Variants in CMTR1 observed in about 807,000 individuals in gnomAD.
CMTR1 encodes cap-specific mRNA (nucleoside-2'-O-)-methyltransferase 1.
Under a neutral mutation model 107.0 loss-of-function variants are expected in CMTR1, and 39 were observed. The ratio of observed to expected loss-of-function variants is 0.36; its 90% CI spans 0.28 to 0.48. The LOEUF is 0.48. Among genes scored for constraint, CMTR1 ranks in the 20% least tolerant of loss-of-function variants. The probability of loss-of-function intolerance (pLI) is 0.99; values close to 1 mark genes in which losing one functional copy is unlikely to be tolerated. For missense variants in CMTR1, 672 were observed against 1,064.9 expected (o/e 0.63, Z 5.14); for synonymous variants, 366 against 379.5 (o/e 0.96, Z 0.41).
intron 2 of CMTR1, among the ~76,000 whole-genome samples, chr6:37,437,570 C>T (rs554215660): frequency 6.6e-6 from 1 of 151,480 alleles, no homozygotes; most frequent in African/African-American, 2.4e-5. Context: ...TATGTGTGGC[C>T]CAAGACAATT....
intron 19 of CMTR1, 57 bp from the exon 20 acceptor site, chr6:37,476,069 G>T: frequency 6.5e-7 from 1 of 1,545,832 alleles, no homozygotes; most frequent in South Asian, 1.1e-5. Context: ...CCTGGGGGTA[G>T]GGGTGCTGGT....
chr6:37,454,806 C>T lies in CMTR1; in HGVS notation c.777+1494C>T, dbSNP rs569799936. Among the ~76,000 whole-genome samples, 15 of 152,272 alleles carry T rather than the reference C, an allele frequency of 9.9e-5. No individual in the cohort carries two copies. In the South Asian group the frequency reaches 1.9e-3, roughly 19 times the overall value. ...TATAAAAAAAGTGATTTCTCTCGAG[C>T]CCCTGGTGTTTTATTTTCTCTTTTC... On this transcript the variant is annotated intron_variant, in intron 8 of 23. Transcript: ENST00000373451.
At chr6:37,427,840 T>C in the CMTR1 span, among the ~76,000 whole-genome samples, 4 of 152,222 alleles carry the variant, frequency 2.6e-5, no homozygotes, top group Non-Finnish European at 5.9e-5. This position sits in a 1 kb window ranked among gnomAD's most constrained non-coding sequence, Gnocchi z 4.4. Context: ...GAAGGATATT[T>C]CTACTGGATA....
At chr6:37,478,698 T>C (rs1761793008) in intron 22 of CMTR1, among the ~76,000 whole-genome samples, 177 bp downstream of exon 22, 1 of 152,156 alleles carries the variant, frequency 6.6e-6, no homozygotes, top group Admixed American at 6.5e-5. Flanking sequence ...GCCTCTTCTG[T>C]TCTTCCGTGG....
In CMTR1 at chr6:37,462,761, G is replaced by T; in HGVS notation, c.1326-68G>T. 1.4e-5 allele frequency: 21 copies of T among 1,480,938 alleles called. No homozygotes were observed. The South Asian group carries it at 2.2e-4, about 16-fold the overall frequency. The allele number at this position is 1,480,938 out of a possible 1,614,324, so 91.7% of individuals were successfully genotyped here. A position where few individuals can be genotyped will look rare whatever the true frequency, so the allele number is the denominator to read the frequency against. ...ATTAAGCTTTGTGATTCCACAAGGG[G>T]TTGGGGGAAAAGGAATGTATGGGGA... On this transcript the variant is annotated intron_variant, in intron 12 of 23. Transcript: ENST00000373451.
intron 6 of CMTR1, 38 bp downstream of exon 6, chr6:37,451,915 T>C (rs755103655): frequency 3.3e-6 from 5 of 1,535,392 alleles, no homozygotes; most frequent in Non-Finnish European, 2.7e-6. Context: ...ATGAAAACCT[T>C]GTGGGAGGTG....
At chr6:37,474,986 T>C (rs898902562) in intron 18 of CMTR1, among the ~76,000 whole-genome samples, 2 of 152,040 alleles carry the variant, frequency 1.3e-5, no homozygotes, top group Non-Finnish European at 2.9e-5. Flanking sequence ...GAGCCATGAG[T>C]ATGAAATCTA....
At chr6:37,434,689 T>C (rs1307025350) in intron 1 of CMTR1, among the ~76,000 whole-genome samples, 5 of 151,688 alleles carry the variant, frequency 3.3e-5, no homozygotes, top group Non-Finnish European at 1.5e-5. Flanking sequence ...AGTGGTGTGA[T>C]CTCGGCTCAC....
At chr6:37,431,012 C>CAAAAAA (rs34543353), upstream of CMTR1, among the ~76,000 whole-genome samples, 2 of 50,308 alleles carry the variant, frequency 4.0e-5, no homozygotes, top group Non-Finnish European at 8.4e-5. Context: ...GACTCCGTCT[C>CAAAAAA]AAAAAAAAAA....
intron 3 of CMTR1, among the ~76,000 whole-genome samples, chr6:37,444,812 G>A (rs1771749148): frequency 6.6e-6 from 1 of 152,078 alleles, no homozygotes; most frequent in Non-Finnish European, 1.5e-5. Context: ...CTCACTTGAG[G>A]TCAGGAGTTC....
intron 6 of CMTR1, 28 bp downstream of exon 6, chr6:37,451,905 A>G (rs2113872976): frequency 6.3e-7 from 1 of 1,582,818 alleles, no homozygotes; most frequent in Non-Finnish European, 8.7e-7. Flanking sequence ...GAACCAGATA[A>G]TGAAAACCTT....
chr6:37,446,522 C>T, intron 4 of CMTR1, 73 bp downstream of exon 4: 3 of 1,514,228 alleles, frequency 2.0e-6, no homozygotes, highest in Non-Finnish European at 2.7e-6. Context: ...GAAGCCATAT[C>T]AACAAACTAG....
At chr6:37,429,928 ACT>A (rs1771340090), upstream of CMTR1, among the ~76,000 whole-genome samples, 1 of 139,758 alleles carries the variant, frequency 7.2e-6, no homozygotes. Flanking sequence ...ACAGATCAAG[ACT>A]CTGTCTCAAA....
chr6:37,431,932 T>C (rs1379341369), upstream of CMTR1, among the ~76,000 whole-genome samples: 1 of 152,140 alleles, frequency 6.6e-6, no homozygotes, highest in Non-Finnish European at 1.5e-5. Flanking sequence ...TTTCCTGACT[T>C]ACCCTACTGA....
chr6:37,464,875 CAT>C (rs1255795531), intron 13 of CMTR1, among the ~76,000 whole-genome samples: 10 of 149,040 alleles, frequency 6.7e-5, no homozygotes, highest in African/African-American at 2.5e-4. Context: ...TAAAATACCA[CAT>C]AGTTTTCTAA....
At chr6:37,465,442 T>A (rs1761488145) in intron 13 of CMTR1, among the ~76,000 whole-genome samples, 1 of 152,250 alleles carries the variant, frequency 6.6e-6, no homozygotes, top group Non-Finnish European at 1.5e-5. Context: ...GGTTTCAATA[T>A]GTATTTCTGT....
chr6:37,465,263 C>A (rs374188093), intron 13 of CMTR1, among the ~76,000 whole-genome samples: 10 of 148,296 alleles, frequency 6.7e-5, no homozygotes, highest in Admixed American at 5.4e-4. Flanking sequence ...GAGACTCTGT[C>A]TCAAAAAAAA....
upstream of CMTR1, among the ~76,000 whole-genome samples, chr6:37,430,687 A>G (rs1012699870): frequency 9.9e-5 from 15 of 152,106 alleles, no homozygotes; most frequent in African/African-American, 3.6e-4. Context: ...GCTTAGGTCT[A>G]TGATGTATCT....
chr6:37,451,883 G>C lies in CMTR1; in HGVS notation c.609+6G>C. The C allele has an allele frequency of 1.2e-6, 2 of 1,610,892 alleles. No individual in the cohort carries two copies. Among genetic ancestry groups the C allele is most frequent in the African/African-American group, 1.3e-5 (1 of 75,004 alleles). On this transcript the variant is annotated splice_donor_region_variant and intron_variant, in intron 6 of 23. Coordinates refer to ENST00000373451, the MANE Select transcript of CMTR1 (RefSeq NM_015050.3). ...ACAGTGTGTTGCAGTGTAAGGTAAG[G>C]TCTTGTGGCTAGAACCAGATAATGA...
Sources: gnomAD v4.1 joint callset for allele counts (sites outside exome capture counted in the v4.1 genomes callset) on GRCh38, gnomAD v4.1.1 for gene constraint, Gnocchi (gnomAD v3.1) non-coding constraint, MANE v1.5 for transcripts, NCBI Gene and HGNC (gene_info 2026-07-23, HGNC 2026-07-21) for gene names.